ERC2: variants seen among roughly 807,000 people sequenced by gnomAD.
ERC2 encodes the protein ERC protein 2.
In ERC2, 42 loss-of-function variants were observed where a neutral mutation model predicts 114.8. The observed-to-expected ratio is 0.37, with a 90% CI of 0.29 to 0.47. ERC2 has a LOEUF of 0.47. Ranked by LOEUF, ERC2 falls within the 20% of genes least tolerant of loss-of-function variation. The probability of loss-of-function intolerance (pLI) is 0.99; values close to 1 mark genes in which losing one functional copy is unlikely to be tolerated. For missense variants in ERC2, 939 were observed against 1,150.7 expected, an observed-to-expected ratio of 0.82 and a Z score of 2.66; for synonymous variants, 454 against 425.5, an observed-to-expected ratio of 1.07 and a Z score of -0.82.
At chr3:55,703,467 C>T (rs1270131325) in intron 15 of ERC2, among the ~76,000 whole-genome samples, 1 of 152,240 alleles carries the variant, frequency 6.6e-6, no homozygotes, top group African/African-American at 2.4e-5. Context: ...TCTTCCACTG[C>T]TTTCAGCAGA....
intron 17 of ERC2, among the ~76,000 whole-genome samples, chr3:55,604,708 T>C (rs556106344): frequency 6.6e-6 from 1 of 152,320 alleles, no homozygotes; most frequent in African/African-American, 2.4e-5. Context: ...AGGGAGTGTA[T>C]GATGTAATCT....
At chr3:56,426,257 C>T (rs1049276611) in intron 2 of ERC2, among the ~76,000 whole-genome samples, 1 of 152,110 alleles carries the variant, frequency 6.6e-6, no homozygotes, top group Admixed American at 6.5e-5. Flanking sequence ...GAAGTGAGTA[C>T]ATCTGAGTCG....
At chr3:56,242,149 G>A (rs1410690389) in intron 3 of ERC2, among the ~76,000 whole-genome samples, 2 of 152,120 alleles carry the variant, frequency 1.3e-5, no homozygotes, top group African/African-American at 4.8e-5. Context: ...GCCATAAAAC[G>A]GAACAAAATA....
chr3:55,585,575 C>A (rs2057555597), intron 17 of ERC2, among the ~76,000 whole-genome samples: 1 of 152,154 alleles, frequency 6.6e-6, no homozygotes, highest in African/African-American at 2.4e-5. Flanking sequence ...AAAATAAAGT[C>A]TTTTGCATAG....
intron 15 of ERC2, among the ~76,000 whole-genome samples, chr3:55,703,936 G>T (rs1283419664): frequency 6.6e-6 from 1 of 152,160 alleles, no homozygotes; most frequent in Non-Finnish European, 1.5e-5. Flanking sequence ...TGGACCCAGT[G>T]CAATACTCTA....
At chr3:55,766,486 G>A (rs1478139203) in intron 14 of ERC2, among the ~76,000 whole-genome samples, 2 of 152,150 alleles carry the variant, frequency 1.3e-5, no homozygotes, top group East Asian at 3.9e-4. Context: ...ACAACAGTAT[G>A]CAAGCTTTCC....
chr3:56,409,998 A>T (rs1188708445), intron 2 of ERC2, among the ~76,000 whole-genome samples: 4 of 152,222 alleles, frequency 2.6e-5, no homozygotes, highest in Non-Finnish European at 4.4e-5. Flanking sequence ...TGTTGTGGGC[A>T]GACCTGAGAC....
At chr3:55,558,510 C>A (rs756243473) in intron 17 of ERC2, among the ~76,000 whole-genome samples, 1 of 152,212 alleles carries the variant, frequency 6.6e-6, no homozygotes, top group Non-Finnish European at 1.5e-5. Context: ...TCCTCTTTAG[C>A]AATTCATTTC....
chr3:56,400,136 T>C (rs189782803), intron 2 of ERC2, among the ~76,000 whole-genome samples: 1 of 152,270 alleles, frequency 6.6e-6, no homozygotes, highest in African/African-American at 2.4e-5. Context: ...AACAGTATTA[T>C]ATTTAGAACT....
At chr3:56,237,088 C>G (rs973141454) in intron 3 of ERC2, among the ~76,000 whole-genome samples, 1 of 152,192 alleles carries the variant, frequency 6.6e-6, no homozygotes, top group Non-Finnish European at 1.5e-5. Context: ...CCACTCTCCT[C>G]TCTCAGATCC....
At chr3:56,362,869 T>G (rs2059010753) in intron 2 of ERC2, among the ~76,000 whole-genome samples, 1 of 152,208 alleles carries the variant, frequency 6.6e-6, no homozygotes, top group South Asian at 2.1e-4. Flanking sequence ...TTTCTTGCAT[T>G]TCTGAGCCTG....
At chr3:56,247,923 T>C (rs2051830030) in intron 3 of ERC2, among the ~76,000 whole-genome samples, 1 of 152,232 alleles carries the variant, frequency 6.6e-6, no homozygotes, top group South Asian at 2.1e-4. Flanking sequence ...TTTAACATGC[T>C]ATCTGAAACA....
intron 17 of ERC2, among the ~76,000 whole-genome samples, chr3:55,609,450 A>T (rs1481530798): frequency 1.3e-5 from 2 of 152,142 alleles, no homozygotes; most frequent in East Asian, 3.9e-4. Context: ...GCTTGGAGTG[A>T]CCGGAGGGAA....
At chr3:56,397,206 G>T (rs534275308) in intron 2 of ERC2, among the ~76,000 whole-genome samples, 11 of 152,116 alleles carry the variant, frequency 7.2e-5, no homozygotes, top group Admixed American at 5.9e-4. Context: ...AAAATGGGCC[G>T]GGCACAGTGG....
chr3:55,733,487 T>TC (rs2065402795), intron 15 of ERC2, among the ~76,000 whole-genome samples: 1 of 41,008 alleles, frequency 2.4e-5, no homozygotes, highest in Non-Finnish European at 5.6e-5. Flanking sequence ...CACACACACA[T>TC]TCTCTGTCTC....
intron 3 of ERC2, among the ~76,000 whole-genome samples, chr3:56,249,451 G>A (rs894665785): frequency 1.4e-4 from 22 of 151,790 alleles, no homozygotes; most frequent in African/African-American, 3.9e-4. Flanking sequence ...TCAGCCTCCC[G>A]AGTAGCTGTG....
chr3:55,608,901 T>C (rs1405779309), intron 17 of ERC2, among the ~76,000 whole-genome samples: 1 of 152,182 alleles, frequency 6.6e-6, no homozygotes. Context: ...ACTAGCAGGG[T>C]GGGTTGTAAC....
intron 13 of ERC2, among the ~76,000 whole-genome samples, chr3:55,915,864 T>C (rs2065063870): frequency 6.6e-6 from 1 of 152,202 alleles, no homozygotes; most frequent in African/African-American, 2.4e-5. Flanking sequence ...GGTCCTAAAA[T>C]GTAAGAAGTT....
At chr3:55,879,263 GA>G (rs1350907405) in intron 14 of ERC2, among the ~76,000 whole-genome samples, 2 of 151,960 alleles carry the variant, frequency 1.3e-5, no homozygotes, top group Non-Finnish European at 2.9e-5. Context: ...CACTTGGGAT[GA>G]AAATTTCCTC....
Sources: allele counts gnomAD v4.1 joint callset (sites outside exome capture counted in the v4.1 genomes callset), GRCh38; gene constraint gnomAD v4.1.1; transcripts MANE v1.5; gene names NCBI Gene and HGNC (gene_info 2026-07-23, HGNC 2026-07-21).